The following SNTB1 variants were observed in gnomAD, a reference collection of about 807,000 sequenced individuals.
SNTB1 encodes syntrophin beta 1.
SNTB1 carries 36 observed loss-of-function variants against 48.9 expected under a neutral mutation model. That is an observed-to-expected ratio of 0.74 (90% CI 0.56 to 0.97). The LOEUF is 0.97. Among genes scored for constraint, SNTB1 ranks in the 50% least tolerant of loss-of-function variants. The probability of loss-of-function intolerance (pLI) is 0.00; values close to 1 mark genes in which losing one functional copy is unlikely to be tolerated. For synonymous variants in SNTB1, 299 were observed against 294.6 expected, an observed-to-expected ratio of 1.01 and a Z score of -0.15; for missense variants, 786 against 703.4, an observed-to-expected ratio of 1.12 and a Z score of -1.33.
chr8:120,628,382 G>A (rs568822792), intron 3 of SNTB1, among the ~76,000 whole-genome samples: 1 of 152,284 alleles, frequency 6.6e-6, no homozygotes, highest in Non-Finnish European at 1.5e-5. Flanking sequence ...AATGTGTTTG[G>A]GGCATGACAC....
chr8:120,635,197 G>A (rs1056099827), intron 2 of SNTB1, among the ~76,000 whole-genome samples: 5 of 152,092 alleles, frequency 3.3e-5, no homozygotes, highest in Admixed American at 2.0e-4. Context: ...TGCCTCTTAG[G>A]CACTTTTCAA....
intron 2 of SNTB1, chr8:120,635,818 T>C (rs1817066087): frequency 1.4e-5 from 4 of 282,954 alleles, no homozygotes; most frequent in South Asian, 9.9e-5. Context: ...AGAAGAGTCA[T>C]ATGTACTTCC....
chr8:120,582,316 A>G (rs572229112), intron 3 of SNTB1, among the ~76,000 whole-genome samples: 7 of 152,332 alleles, frequency 4.6e-5, no homozygotes, highest in African/African-American at 1.7e-4. Flanking sequence ...ATTAATGCCA[A>G]TATTAGAAAA....
chr8:120,553,537 T>C (rs767630411), intron 4 of SNTB1, among the ~76,000 whole-genome samples: 1 of 152,202 alleles, frequency 6.6e-6, no homozygotes, highest in Non-Finnish European at 1.5e-5. Context: ...ATTACACACC[T>C]TGAAATTATA....
intron 1 of SNTB1, among the ~76,000 whole-genome samples, chr8:120,741,900 C>CA (rs1272846569): frequency 6.6e-6 from 1 of 152,058 alleles, no homozygotes; most frequent in Non-Finnish European, 1.5e-5. Context: ...TGGAGTATGC[C>CA]ATAAAGACTG....
At chr8:120,758,334 G>C (rs1345129843) in intron 1 of SNTB1, among the ~76,000 whole-genome samples, 1 of 152,104 alleles carries the variant, frequency 6.6e-6, no homozygotes, top group African/African-American at 2.4e-5. Context: ...GTTGAGGGGA[G>C]GATATGAGTT....
chr8:120,548,961 GGAGAGA>G lies in SNTB1; in HGVS notation c.1137-9_1137-4del. 3 of 1,516,766 alleles carry G rather than the reference GGAGAGA, an allele frequency of 2.0e-6. No homozygotes were observed. Among genetic ancestry groups the G allele is most frequent in the Non-Finnish European group, 2.7e-6 (3 of 1,127,918 alleles). The allele number at this position is 1,516,766 out of a possible 1,614,324, so 94.0% of individuals were successfully genotyped here. ...TTCCTGGACCTGAATGGACCAGCCT[GGAGAGA>G]GAGAGAGAGAGACATCATCAAAATG... On this transcript the variant is annotated splice_polypyrimidine_tract_variant and splice_region_variant and intron_variant, in intron 4 of 6. Transcript: ENST00000517992.
intron 1 of SNTB1, among the ~76,000 whole-genome samples, chr8:120,800,800 C>T (rs115838286): frequency 0.01 from 1,554 of 152,076 alleles, 30 homozygotes; most frequent in African/African-American, 0.035. Context: ...ATAGATATTA[C>T]TTGGCTAAAA....
chr8:120,584,194 C>T (rs1192845847), intron 3 of SNTB1, among the ~76,000 whole-genome samples: 2 of 151,824 alleles, frequency 1.3e-5, no homozygotes, highest in Non-Finnish European at 2.9e-5. Context: ...GTAATCCCAG[C>T]ACTTTGGGAG....
intron 2 of SNTB1, among the ~76,000 whole-genome samples, chr8:120,655,347 AT>A: frequency 1.3e-5 from 2 of 152,236 alleles, no homozygotes; most frequent in Non-Finnish European, 2.9e-5. Context: ...AGGTAAAAAG[AT>A]TGGTAGTAAT....
rs567500749 is a variant in SNTB1 at position 120,704,992 on chromosome 8, G to A, written c.572-11084C>T. On this transcript the variant is annotated intron_variant, in intron 1 of 6. Coordinates refer to ENST00000517992, the MANE Select transcript of SNTB1 (RefSeq NM_021021.4). Reference sequence around the variant, plus strand: ...AGGATATTAGGCTCCACTGATAGAAGTATGCCGTTCAGAAAAGGAGAGAGA... The same window carrying A: ...AGGATATTAGGCTCCACTGATAGAAATATGCCGTTCAGAAAAGGAGAGAGA... Among the ~76,000 whole-genome samples the A allele has an allele frequency of 1.2e-3, 184 of 152,284 alleles. 1 individual carries two copies. The highest frequency in any genetic ancestry group is 4.2e-3 in the African/African-American group (176 of 41,562).
At chr8:120,688,926 A>G (rs535957291) in intron 2 of SNTB1, among the ~76,000 whole-genome samples, 1 of 152,218 alleles carries the variant, frequency 6.6e-6, no homozygotes, top group South Asian at 2.1e-4. Context: ...ACCAGCAACA[A>G]AACACCCTGT....
At chr8:120,771,462 C>T (rs1223204915) in intron 1 of SNTB1, among the ~76,000 whole-genome samples, 1 of 152,204 alleles carries the variant, frequency 6.6e-6, no homozygotes, top group African/African-American at 2.4e-5. Context: ...TGTTCCATTG[C>T]ATCACAAGTG....
At chr8:120,752,395 C>T (rs1003222330) in intron 1 of SNTB1, among the ~76,000 whole-genome samples, 1 of 152,046 alleles carries the variant, frequency 6.6e-6, no homozygotes, top group Admixed American at 6.6e-5. Flanking sequence ...AGAATAACTT[C>T]CCTGACCACC....
chr8:120,793,772 T>C (rs1820076967), intron 1 of SNTB1, among the ~76,000 whole-genome samples: 1 of 152,022 alleles, frequency 6.6e-6, no homozygotes, highest in Admixed American at 6.6e-5. Context: ...TAATACAAGA[T>C]TCTAGAACAC....
chr8:120,728,624 G>A (rs567780487), intron 1 of SNTB1, among the ~76,000 whole-genome samples: 1 of 152,196 alleles, frequency 6.6e-6, no homozygotes, highest in Non-Finnish European at 1.5e-5. Context: ...ATTCACTTAG[G>A]ATAATGGCCT....
At chr8:120,724,217 A>G (rs1486405694) in intron 1 of SNTB1, among the ~76,000 whole-genome samples, 1 of 152,212 alleles carries the variant, frequency 6.6e-6, no homozygotes, top group Non-Finnish European at 1.5e-5. Context: ...CACATGGGTA[A>G]TATGGCCAGT....
intron 3 of SNTB1, among the ~76,000 whole-genome samples, chr8:120,630,187 C>T (rs1405643264): frequency 1.3e-5 from 2 of 152,234 alleles, no homozygotes; most frequent in African/African-American, 4.8e-5. Context: ...CCCTGGAAGA[C>T]TCACTTTAAG....
intron 3 of SNTB1, among the ~76,000 whole-genome samples, chr8:120,588,783 A>G (rs1816190722): frequency 6.6e-6 from 1 of 152,214 alleles, no homozygotes; most frequent in East Asian, 1.9e-4. Flanking sequence ...TCATTGGTAG[A>G]TTATCTGCTT....
Sources: allele counts gnomAD v4.1 joint callset (sites outside exome capture counted in the v4.1 genomes callset), GRCh38; gene constraint gnomAD v4.1.1; transcripts MANE v1.5; gene names NCBI Gene and HGNC (gene_info 2026-07-23, HGNC 2026-07-21).